PTPRT: variants seen among roughly 807,000 people sequenced by gnomAD.
The protein encoded by PTPRT is protein tyrosine phosphatase receptor type T.
Under a neutral mutation model 176.8 loss-of-function variants are expected in PTPRT, and 56 were observed. The ratio of observed to expected loss-of-function variants is 0.32; its 90% CI spans 0.26 to 0.40. The LOEUF is 0.40. Ranked by LOEUF, PTPRT falls within the 10% of genes least tolerant of loss-of-function variation. The probability of loss-of-function intolerance (pLI) is 1.00; values close to 1 mark genes in which losing one functional copy is unlikely to be tolerated. For synonymous variants in PTPRT, 783 were observed against 739.0 expected, an observed-to-expected ratio of 1.06 and a Z score of -0.96; for missense variants, 1,540 against 1,908.2, an observed-to-expected ratio of 0.81 and a Z score of 3.60.
At chr20:42,040,878 A>C in the PTPRT span, among the ~76,000 whole-genome samples, 1 of 152,162 alleles carries the variant, frequency 6.6e-6, no homozygotes. Context: ...GGCAAAGCCT[A>C]AGCTGCTCTG....
At chr20:42,582,604 T>C (rs2073394847) in intron 7 of PTPRT, among the ~76,000 whole-genome samples, 1 of 152,078 alleles carries the variant, frequency 6.6e-6, no homozygotes. Context: ...CAAAAAGAGG[T>C]TACCTTTTCA....
intron 7 of PTPRT, among the ~76,000 whole-genome samples, chr20:42,539,013 ACTC>A (rs2072527956): frequency 6.6e-6 from 1 of 151,722 alleles, no homozygotes; most frequent in Non-Finnish European, 1.5e-5. Flanking sequence ...TTATGTACAA[ACTC>A]CTATTTCACT....
chr20:42,534,862 G>A (rs1568957613), intron 7 of PTPRT, among the ~76,000 whole-genome samples: 2 of 152,074 alleles, frequency 1.3e-5, no homozygotes, highest in Non-Finnish European at 2.9e-5. Context: ...AACATAAGGT[G>A]ACTGTGGGAA....
rs1480006898 is a variant in PTPRT, at chr20:42,323,527, G to A, written c.1866-7531C>T. Reference sequence around the variant, plus strand: ...TCGCAAGGACAAAAAACCAAACACCGCATGTTCTCACCCATAGGTGGGAAT... The same window carrying A: ...TCGCAAGGACAAAAAACCAAACACCACATGTTCTCACCCATAGGTGGGAAT... On this transcript the variant is annotated intron_variant, in intron 11 of 30. Transcript: ENST00000373187. Among the ~76,000 whole-genome samples, 7 of 151,828 alleles carry A rather than the reference G, an allele frequency of 4.6e-5. No individual in the cohort carries two copies. In the South Asian group the frequency reaches 8.3e-4, roughly 18 times the overall value.
chr20:42,547,869 T>C (rs916581481), intron 7 of PTPRT, among the ~76,000 whole-genome samples: 1 of 152,050 alleles, frequency 6.6e-6, no homozygotes, highest in Non-Finnish European at 1.5e-5. Context: ...CAATAAGTTT[T>C]ACTAGGTAGC....
intron 1 of PTPRT, among the ~76,000 whole-genome samples, chr20:43,036,496 G>C (rs1379992366): frequency 6.6e-6 from 1 of 151,852 alleles, no homozygotes; most frequent in East Asian, 1.9e-4. Context: ...TTTGTCATAA[G>C]GTTTTGTAGG....
chr20:42,340,970 T>G (rs2058102788), intron 11 of PTPRT, among the ~76,000 whole-genome samples: 1 of 152,150 alleles, frequency 6.6e-6, no homozygotes, highest in African/African-American at 2.4e-5. Flanking sequence ...CTACTTGGAC[T>G]GCCCCTCCAT....
chr20:42,330,400 T>C (rs1220050367), intron 11 of PTPRT, among the ~76,000 whole-genome samples: 1 of 151,960 alleles, frequency 6.6e-6, no homozygotes, highest in Non-Finnish European at 1.5e-5. Context: ...CAATTGAACA[T>C]GGGAGGCAGA....
chr20:42,503,828 A>G (rs915639794), intron 7 of PTPRT, among the ~76,000 whole-genome samples: 12 of 152,124 alleles, frequency 7.9e-5, no homozygotes, highest in Non-Finnish European at 1.3e-4. Flanking sequence ...TTCTTAAAAC[A>G]GGCCAAGAAC....
chr20:42,125,499 T>C (rs1180774210), intron 19 of PTPRT, among the ~76,000 whole-genome samples: 1 of 152,248 alleles, frequency 6.6e-6, no homozygotes, highest in African/African-American at 2.4e-5. Context: ...AGAGGCCATT[T>C]GCCCTGTCTG....
At chr20:42,365,805 C>T (rs371757358) in intron 9 of PTPRT, among the ~76,000 whole-genome samples, 6 of 152,318 alleles carry the variant, frequency 3.9e-5, no homozygotes, top group East Asian at 3.9e-4. Context: ...CAAGCAGTAA[C>T]GGCCCTGAGC....
intron 5 of PTPRT, among the ~76,000 whole-genome samples, chr20:42,770,298 T>C (rs915781174): frequency 6.6e-6 from 1 of 152,184 alleles, no homozygotes; most frequent in African/African-American, 2.4e-5. Flanking sequence ...AATTTTTCTA[T>C]AGAAATAATT....
intron 1 of PTPRT, among the ~76,000 whole-genome samples, chr20:42,944,907 T>G (rs962601628): frequency 1.3e-5 from 2 of 152,072 alleles, no homozygotes; most frequent in Non-Finnish European, 2.9e-5. Context: ...CGGTGTTTGT[T>G]CCCTGTGCCT....
intron 2 of PTPRT, among the ~76,000 whole-genome samples, chr20:42,866,692 A>C (rs138305865): frequency 6.6e-6 from 1 of 152,214 alleles, no homozygotes; most frequent in East Asian, 1.9e-4. Flanking sequence ...TTCTCATCAC[A>C]TCTCATCCTA....
intron 1 of PTPRT, among the ~76,000 whole-genome samples, chr20:43,098,039 A>T (rs1006828506): frequency 2.6e-5 from 4 of 152,064 alleles, no homozygotes; most frequent in Non-Finnish European, 4.4e-5. Flanking sequence ...CCATCCCCCG[A>T]AGCCACGTGA....
intron 7 of PTPRT, among the ~76,000 whole-genome samples, chr20:42,499,059 T>C (rs6065496): frequency 0.096 from 14,614 of 152,154 alleles, 874 homozygotes; most frequent in East Asian, 0.19. Context: ...TTAAGACCTG[T>C]CTCATACTTT....
chr20:42,682,736 C>T (rs4812617), intron 6 of PTPRT, among the ~76,000 whole-genome samples: 23,653 of 152,024 alleles, frequency 0.16, 2,881 homozygotes, highest in African/African-American at 0.34. Context: ...ACCTGGGCAG[C>T]AGCGGCCCTG....
At chr20:42,053,264 T>G in the PTPRT span, among the ~76,000 whole-genome samples, 1 of 152,312 alleles carries the variant, frequency 6.6e-6, no homozygotes, top group Admixed American at 6.5e-5. Flanking sequence ...GTAAATATCA[T>G]GGATGATTAC....
chr20:42,054,414 G>C, the PTPRT span, among the ~76,000 whole-genome samples: 6 of 152,172 alleles, frequency 3.9e-5, no homozygotes, highest in Admixed American at 2.0e-4. Context: ...TTCATAAAAA[G>C]GAATTGCTAA....
Sources: gnomAD v4.1 joint callset for allele counts (sites outside exome capture counted in the v4.1 genomes callset) on GRCh38, gnomAD v4.1.1 for gene constraint, MANE v1.5 for transcripts, NCBI Gene and HGNC (gene_info 2026-07-23, HGNC 2026-07-21) for gene names.